Variants in MARCHF2 observed in about 807,000 individuals in gnomAD.
MARCHF2 encodes the protein membrane associated ring-CH-type finger 2.
A neutral mutation model predicts 24.0 loss-of-function variants in MARCHF2; 22 were observed. The observed-to-expected ratio is 0.92, with a 90% confidence interval of 0.66 to 1.31. The LOEUF is 1.31. MARCHF2 is among the 50% of genes most tolerant of loss of function. The probability of loss-of-function intolerance (pLI) is 0.00; values close to 1 mark genes in which losing one functional copy is unlikely to be tolerated. For synonymous variants in MARCHF2, 154 were observed against 153.0 expected (o/e 1.01, Z -0.05); for missense variants, 301 against 335.3 (o/e 0.90, Z 0.80).
intron 1 of MARCHF2, among the ~76,000 whole-genome samples, chr19:8,415,978 G>A (rs1236407352): frequency 6.6e-6 from 1 of 152,034 alleles, no homozygotes; most frequent in East Asian, 1.9e-4. Context: ...ACAGGGGCTG[G>A]CCGACCAGGA....
rs1967001020 is a variant in MARCHF2, at chr19:8,413,393, G to T, written c.-80G>T. The T allele has an allele frequency of 6.6e-6, 1 of 151,734 alleles. No homozygotes were observed. Among genetic ancestry groups the T allele is most frequent in the Admixed American group, 6.6e-5 (1 of 15,224 alleles). The allele number at this position is 151,734 out of a possible 1,614,324, so 9.4% of individuals were successfully genotyped here. ...GGCCGAGGCGAACCGAGGGGCCTGT[G>T]CGGCCGCCCGGCCCGGCCGCGGATC... On this transcript the variant is annotated 5_prime_UTR_variant, in exon 1 of 5. Transcript: ENST00000215555.
Position 8,430,774 on chromosome 19 carries a change from C to G in MARCHF2, c.489C>G (p.Ala163=). The G allele has an allele frequency of 6.2e-7, 1 of 1,611,218 alleles. No homozygotes were observed. Among genetic ancestry groups the G allele is most frequent in the Admixed American group, 1.7e-5 (1 of 60,008 alleles). Reference sequence around the variant, plus strand: ...CAGGCTGGTTGTGCCTGCGCGGGGCCCAGGACCACCTCCGGCTCCACAGCC... The same window carrying G: ...CAGGCTGGTTGTGCCTGCGCGGGGCGCAGGACCACCTCCGGCTCCACAGCC... The part of the protein sequence containing the change: ...AISGWLCLRG[A]QDHLRLHSQL... Residue 163 remains alanine, a synonymous_variant, in exon 4 of 5, where the codon GCC becomes GCG. Coordinates refer to ENST00000215555, the MANE Select transcript of MARCHF2 (RefSeq NM_001005415.2). The surrounding 1 kb of genome is among the most constrained non-coding windows in gnomAD (Gnocchi z 4.4).
intron 3 of MARCHF2, among the ~76,000 whole-genome samples, chr19:8,429,802 G>A (rs141369225): frequency 0.091 from 10,512 of 115,050 alleles, 741 homozygotes; most frequent in African/African-American, 0.2. Context: ...CCACACCAGG[G>A]CTTTTTTTTT....
chr19:8,418,482 C>G (rs1967142634), intron 1 of MARCHF2: 1 of 153,686 alleles, frequency 6.5e-6, no homozygotes, highest in Non-Finnish European at 1.4e-5. Context: ...CACTTTGGAG[C>G]TCAGATTTGT....
chr19:8,424,556 A>G (rs1163500322), intron 2 of MARCHF2, among the ~76,000 whole-genome samples: 1 of 151,466 alleles, frequency 6.6e-6, no homozygotes, highest in East Asian at 2.0e-4. Flanking sequence ...AGTCCTAGCT[A>G]CTCTGGAGGC....
intron 3 of MARCHF2, among the ~76,000 whole-genome samples, chr19:8,427,519 G>GAAA (rs71175855): frequency 3.0e-5 from 4 of 132,054 alleles, no homozygotes; most frequent in Admixed American, 8.1e-5. Flanking sequence ...TGAGGTTACA[G>GAAA]AAAAAAAAAA....
intron 4 of MARCHF2, 74 bp from the exon 5 acceptor site, chr19:8,438,314 C>G: frequency 6.6e-7 from 1 of 1,516,232 alleles, no homozygotes; most frequent in Non-Finnish European, 9.1e-7. Context: ...TGGGCCAACG[C>G]AGGTGCCACC....
chr19:8,417,498 C>G (rs1285277541), intron 1 of MARCHF2, among the ~76,000 whole-genome samples: 1 of 151,266 alleles, frequency 6.6e-6, no homozygotes, highest in Non-Finnish European at 1.5e-5. Flanking sequence ...AGTGCAGTGG[C>G]GTGATCTCAG....
intron 2 of MARCHF2, among the ~76,000 whole-genome samples, chr19:8,424,748 C>T (rs1396212179): frequency 6.6e-6 from 1 of 152,120 alleles, no homozygotes; most frequent in Non-Finnish European, 1.5e-5. Context: ...AGGCTCCACA[C>T]AGACTAGGCA....
intron 1 of MARCHF2, among the ~76,000 whole-genome samples, chr19:8,420,348 T>C (rs7507351): frequency 1 from 144,669 of 144,990 alleles, 72,174 homozygotes; most frequent in Non-Finnish European, 1. Flanking sequence ...AACTCCATCT[T>C]AAAAAAAAAA....
At chr19:8,427,360 T>G (rs1967434610) in intron 3 of MARCHF2, among the ~76,000 whole-genome samples, 1 of 151,796 alleles carries the variant, frequency 6.6e-6, no homozygotes, top group Admixed American at 6.6e-5. Context: ...GTGTCTTTCA[T>G]TAGCAGAGAT....
intron 1 of MARCHF2, among the ~76,000 whole-genome samples, chr19:8,417,887 C>T (rs1967126284): frequency 2.7e-5 from 4 of 150,350 alleles, no homozygotes; most frequent in Admixed American, 2.0e-4. Flanking sequence ...CTCAGCCTCC[C>T]GAGTAGCTGG....
chr19:8,420,600 A>G (rs1189522650), intron 1 of MARCHF2, among the ~76,000 whole-genome samples: 1 of 151,628 alleles, frequency 6.6e-6, no homozygotes, highest in Non-Finnish European at 1.5e-5. Context: ...ATTAGTTGAA[A>G]GGTGGTCCTG....
chr19:8,422,061 T>A (rs750825018), intron 2 of MARCHF2, 45 bp downstream of exon 2: 1 of 1,556,354 alleles, frequency 6.4e-7, no homozygotes, highest in Admixed American at 1.8e-5. Flanking sequence ...TTGCCTCTTC[T>A]CTCTGGGCGC....
At chr19:8,425,572 G>A (rs115919916) in intron 2 of MARCHF2, among the ~76,000 whole-genome samples, 1,865 of 151,892 alleles carry the variant, frequency 0.012, 31 homozygotes, top group African/African-American at 0.042. Flanking sequence ...CCAGTATGAG[G>A]CCTGAGGTCA....
intron 1 of MARCHF2, among the ~76,000 whole-genome samples, chr19:8,415,927 T>G (rs1449360902): frequency 6.6e-6 from 1 of 152,010 alleles, no homozygotes; most frequent in East Asian, 1.9e-4. Context: ...CCTCTGTGGT[T>G]TGAGTGGACC....
At chr19:8,426,924 C>A in intron 3 of MARCHF2, 120 bp downstream of exon 3, 1 of 857,700 alleles carries the variant, frequency 1.2e-6, no homozygotes, top group Non-Finnish European at 1.8e-6. Flanking sequence ...CCTACCGCCC[C>A]TGTCCACCAG....
intron 1 of MARCHF2, among the ~76,000 whole-genome samples, chr19:8,416,102 A>C (rs373536820): frequency 6.6e-6 from 1 of 151,944 alleles, no homozygotes; most frequent in Non-Finnish European, 1.5e-5. Context: ...CCAGCACTTT[A>C]GGAGGCTGAG....
chr19:8,431,530 A>G (rs528153994), intron 4 of MARCHF2, among the ~76,000 whole-genome samples: 29 of 150,350 alleles, frequency 1.9e-4, no homozygotes, highest in Non-Finnish European at 1.5e-5. Flanking sequence ...GGAAAAAAGA[A>G]AAAAGAAAGA....
Sources: allele counts gnomAD v4.1 joint callset (sites outside exome capture counted in the v4.1 genomes callset), GRCh38; gene constraint gnomAD v4.1.1; non-coding constraint Gnocchi (gnomAD v3.1); transcripts MANE v1.5; gene names NCBI Gene and HGNC (gene_info 2026-07-23, HGNC 2026-07-21).